Variants in NMT2 observed in about 807,000 individuals in gnomAD.
NMT2 encodes glycylpeptide N-tetradecanoyltransferase 2.
Under a neutral mutation model 65.4 loss-of-function variants are expected in NMT2, and 35 were observed. That is an observed-to-expected ratio of 0.54 (90% CI 0.41 to 0.71). The LOEUF (loss-of-function observed/expected upper bound fraction) is 0.71. Among genes scored for constraint, NMT2 ranks in the 30% least tolerant of loss-of-function variants. The pLI is 0.00. For missense variants in NMT2, 489 were observed against 611.3 expected, an observed-to-expected ratio of 0.80 and a Z score of 2.11; for synonymous variants, 226 against 231.8, an observed-to-expected ratio of 0.98 and a Z score of 0.23.
intron 1 of NMT2, among the ~76,000 whole-genome samples, chr10:15,148,218 G>C (rs1029305954): frequency 4.6e-5 from 7 of 152,206 alleles, no homozygotes; most frequent in African/African-American, 1.7e-4. Flanking sequence ...TCAAAAAACA[G>C]TATTAGGCCA....
intron 1 of NMT2, among the ~76,000 whole-genome samples, chr10:15,163,782 T>C (rs367701108): frequency 1.5e-4 from 23 of 152,252 alleles, no homozygotes; most frequent in Middle Eastern, 6.8e-3. Flanking sequence ...ACCCCCTAAA[T>C]TGGGGATGGT....
At chr10:15,113,511 T>TGTC (rs1845644989) in intron 9 of NMT2, among the ~76,000 whole-genome samples, 1 of 131,048 alleles carries the variant, frequency 7.6e-6, no homozygotes, top group African/African-American at 3.1e-5. Context: ...AGAAGCAGAA[T>TGTC]GTCCTAAAAG....
intron 6 of NMT2, among the ~76,000 whole-genome samples, chr10:15,130,703 CAA>C (rs974360507): frequency 1.6e-3 from 47 of 28,618 alleles, no homozygotes; most frequent in African/African-American, 5.4e-3. Context: ...GGCCCTGTCT[CAA>C]AAAAAAAAAA....
Position 15,123,167 on chromosome 10 carries a change from T to C in NMT2, c.1000-3654A>G, listed in dbSNP as rs148818674. On this transcript the variant is annotated intron_variant, in intron 8 of 11. Coordinates refer to ENST00000378165, the MANE Select transcript of NMT2 (RefSeq NM_004808.3). ...ATTAAAGCATAAGAGCACACCAGGA[T>C]GTACCAGCTATAAAAAACAGAAAGT... 2.0e-5 allele frequency among the ~76,000 whole-genome samples: 3 copies of C among 152,240 alleles called. No homozygotes were observed. In the East Asian group the frequency reaches 5.8e-4, roughly 29 times the overall value.
chr10:15,136,432 A>T (rs1846507303), intron 2 of NMT2, among the ~76,000 whole-genome samples: 1 of 130,736 alleles, frequency 7.6e-6, no homozygotes, highest in Non-Finnish European at 1.6e-5. Flanking sequence ...AGGAAGGAGG[A>T]AGGAGAGGGA....
chr10:15,156,274 G>A (rs911782331), intron 1 of NMT2, among the ~76,000 whole-genome samples: 4 of 152,020 alleles, frequency 2.6e-5, no homozygotes, highest in African/African-American at 7.2e-5. Flanking sequence ...GAAATCTGAC[G>A]ATTTTATAAA....
chr10:15,118,364 C>A (rs943377054), intron 9 of NMT2, among the ~76,000 whole-genome samples: 4 of 152,108 alleles, frequency 2.6e-5, no homozygotes, highest in Admixed American at 6.5e-5. Context: ...CATGGTGAAA[C>A]CCCGACTCTA....
At chr10:15,129,711 C>G (rs1343013633) in intron 7 of NMT2, among the ~76,000 whole-genome samples, 1 of 152,046 alleles carries the variant, frequency 6.6e-6, no homozygotes, top group Non-Finnish European at 1.5e-5. Context: ...GAGTTCAAGA[C>G]CAGCCTGACC....
In NMT2 at chr10:15,131,082, G is replaced by C. The variant is rs182907073; in HGVS notation, c.720-770C>G. On this transcript the variant is annotated intron_variant, in intron 6 of 11. Coordinates refer to ENST00000378165, the MANE Select transcript of NMT2 (RefSeq NM_004808.3). ...GGATTATAGGCGTGAACCACCCACC[G>C]CACCTGGCCTGAAAGCCATTCTTTA... Among the ~76,000 whole-genome samples, 11 of 152,016 alleles carry C rather than the reference G, an allele frequency of 7.2e-5. No homozygotes were observed. In the East Asian group the frequency reaches 7.7e-4, roughly 11 times the overall value.
intron 2 of NMT2, 56 bp downstream of exon 2, chr10:15,141,366 A>G (rs1225316854): frequency 1.2e-6 from 2 of 1,605,822 alleles, no homozygotes; most frequent in African/African-American, 2.7e-5. Flanking sequence ...TAAACTGCGT[A>G]AACCCACTCA....
chr10:15,158,879 C>T (rs1188834556), intron 1 of NMT2, among the ~76,000 whole-genome samples: 1 of 152,168 alleles, frequency 6.6e-6, no homozygotes, highest in Non-Finnish European at 1.5e-5. Flanking sequence ...TAAGCATACA[C>T]TGATCCGATT....
Position 15,141,566 on chromosome 10 carries a change from A to G in NMT2, c.111-9T>C. 1 of 1,603,154 alleles carries G rather than the reference A, an allele frequency of 6.2e-7. No homozygotes were observed. The highest frequency in any genetic ancestry group is 8.5e-7 in the Non-Finnish European group (1 of 1,174,828). On this transcript the variant is annotated splice_polypyrimidine_tract_variant and intron_variant, in intron 1 of 11. Transcript: ENST00000378165. ...AATACCCTCCAGGACTTCTGCAGGAAATGCAAAGATGGTGAAACCAACCAA... is the reference window on the plus strand; with the variant it reads ...AATACCCTCCAGGACTTCTGCAGGAGATGCAAAGATGGTGAAACCAACCAA...
chr10:15,133,263 G>A lies in NMT2; in HGVS notation c.492C>T (p.Asp164=). ...CACTCACCACTTCGGCATCACTCAA[G>A]TCTAAAGTGTCCCACATAAAACCCT... is the stretch of plus-strand genomic sequence containing the variant. The part of the protein sequence containing the change: ...LPQGFMWDTL[D]LSDAEVLKEL... The change falls in exon 4 of 12, where the codon GAC becomes GAT. Residue 164 remains aspartate (D), a synonymous_variant. Transcript: ENST00000378165. The A allele has an allele frequency of 6.2e-7, 1 of 1,614,004 alleles. No homozygotes were observed. Among genetic ancestry groups the A allele is most frequent in the Non-Finnish European group, 8.5e-7 (1 of 1,179,848 alleles).
intron 9 of NMT2, among the ~76,000 whole-genome samples, chr10:15,116,915 T>C (rs1442332061): frequency 2.0e-5 from 3 of 152,220 alleles, no homozygotes; most frequent in East Asian, 3.8e-4. Context: ...ATTTAGTCCA[T>C]TATTTAAAAA....
chr10:15,136,597 C>T (rs891354268), intron 2 of NMT2, among the ~76,000 whole-genome samples: 46 of 152,112 alleles, frequency 3.0e-4, no homozygotes, highest in African/African-American at 1.1e-3. Context: ...CCCGGCCACA[C>T]CCTGCCCTTC....
At chr10:15,112,217 T>TATATATATATATA (rs1554820299) in intron 10 of NMT2, among the ~76,000 whole-genome samples, 8 of 7,694 alleles carry the variant, frequency 1.0e-3, no homozygotes, top group Non-Finnish European at 1.3e-3. Flanking sequence ...TATATATATA[T>TATATATATATATA]TTTTTTTTTT....
At position 15,130,122 on chromosome 10, in the gene NMT2, T is replaced by G; in HGVS notation, c.890+20A>C. The G allele has an allele frequency of 7.0e-7, 1 of 1,435,266 alleles. No individual in the cohort carries two copies. The highest frequency in any genetic ancestry group is 2.6e-5 in the East Asian group (1 of 39,094). 88.9% of individuals were successfully genotyped at this position (1,435,266 alleles called of 1,614,324 possible). On this transcript the variant is annotated intron_variant, in intron 7 of 11. Coordinates refer to ENST00000378165, the MANE Select transcript of NMT2 (RefSeq NM_004808.3). ...TTTTTGATAAAGGGAGGACCTGAGG[T>G]AGAAATATGGTACTGGTACCTGCAT...
At chr10:15,127,093 G>T (rs1050001353) in intron 8 of NMT2, among the ~76,000 whole-genome samples, 2 of 151,078 alleles carry the variant, frequency 1.3e-5, no homozygotes, top group African/African-American at 2.4e-5. Context: ...AAATCAGTTG[G>T]GTGTGGTGGC....
In NMT2 at chr10:15,130,252, C is replaced by G. The variant is rs576396112; in HGVS notation, c.780G>C (p.Arg260=). The change falls in exon 7 of 12, where the codon CGG becomes CGC. Residue 260 remains arginine, a synonymous_variant. Transcript: ENST00000378165. Reference sequence around the variant, plus strand: ...TCTCTCGGATTAGCACTGGGGCTACCCGTTTCGATCTCAACTTCTTATGAA... The same window carrying G: ...TCTCTCGGATTAGCACTGGGGCTACGCGTTTCGATCTCAACTTCTTATGAA... ...LCVHKKLRSK[R]VAPVLIREIT... is the part of the protein sequence containing the mutation. The G allele has an allele frequency of 3.1e-6, 5 of 1,607,116 alleles. No homozygotes were observed. Among genetic ancestry groups the G allele is most frequent in the Non-Finnish European group, 4.3e-6 (5 of 1,176,276 alleles).
Sources: gnomAD v4.1 joint callset for allele counts (sites outside exome capture counted in the v4.1 genomes callset) on GRCh38, gnomAD v4.1.1 for gene constraint, MANE v1.5 for transcripts, NCBI Gene and HGNC (gene_info 2026-07-23, HGNC 2026-07-21) for gene names.